The following ZC3H13 variants were observed in gnomAD, a reference collection of about 807,000 sequenced individuals.
ZC3H13 encodes the protein zinc finger CCCH-type containing 13, also known as zinc finger CCCH domain-containing protein 13.
In ZC3H13, 64 loss-of-function variants were observed where a neutral mutation model predicts 204.1. The observed-to-expected ratio is 0.31, with a 90% CI of 0.26 to 0.39. ZC3H13 has a LOEUF of 0.39. Ranked by LOEUF, ZC3H13 falls within the 10% of genes least tolerant of loss-of-function variation. ZC3H13 has a pLI of 1.00. For missense variants in ZC3H13, 1,833 were observed against 2,082.7 expected, an observed-to-expected ratio of 0.88 and a Z score of 2.33; for synonymous variants, 667 against 693.7, an observed-to-expected ratio of 0.96 and a Z score of 0.60.
At chr13:46,003,091 T>C in intron 8 of ZC3H13, 48 bp downstream of exon 8, 1 of 1,576,922 alleles carries the variant, frequency 6.3e-7, no homozygotes, top group South Asian at 1.2e-5. Context: ...GTAAATATTC[T>C]ATATTCTACA....
At chr13:45,974,722 T>A (rs570622953) in intron 12 of ZC3H13, among the ~76,000 whole-genome samples, 3 of 152,206 alleles carry the variant, frequency 2.0e-5, no homozygotes, top group African/African-American at 7.2e-5. Flanking sequence ...TACAAGCACA[T>A]AAAAGTCATG....
rs149887751 is a variant in ZC3H13 at position 46,010,437 on chromosome 13, C to T, written c.657G>A (p.Pro219=). ...ACGACTTCGGGCTTGATTTTCGCTT[C>T]GGAGATTTGCTAGACTTTCTTAGAG... ...SPSLRKSSKS[P]KRKSSPKSSS... Residue 219 remains proline, a synonymous_variant, in exon 7 of 19, where the codon CCG becomes CCA. Coordinates refer to ENST00000679008, the MANE Select transcript of ZC3H13 (RefSeq NM_001330564.2). 3.0e-5 allele frequency: 48 copies of T among 1,613,704 alleles called. No homozygotes were observed. The highest frequency in any genetic ancestry group is 2.4e-4 in the African/African-American group (18 of 74,988).
rs189114663 is a variant in ZC3H13, at chr13:46,030,949, T to C, written c.340-10392A>G. On this transcript the variant is annotated intron_variant, in intron 4 of 18. Transcript: ENST00000679008. ...ACTTTGTAGATACTGACATACTCATTCTATATGGAGAACCAGAATAGCCAA... is the reference window on the plus strand; with the variant it reads ...ACTTTGTAGATACTGACATACTCATCCTATATGGAGAACCAGAATAGCCAA... 5.9e-5 allele frequency among the ~76,000 whole-genome samples: 9 copies of C among 152,234 alleles called. No individual in the cohort carries two copies. In the East Asian group the frequency reaches 1.7e-3, roughly 29 times the overall value.
At chr13:45,964,148 G>T in intron 16 of ZC3H13, 106 bp from the exon 17 acceptor site, 1 of 1,126,714 alleles carries the variant, frequency 8.9e-7, no homozygotes, top group Middle Eastern at 2.5e-4. Flanking sequence ...AAAATGAAAA[G>T]TACTTTAAAC....
intron 7 of ZC3H13, among the ~76,000 whole-genome samples, chr13:46,008,041 T>C (rs972939405): frequency 6.6e-6 from 1 of 152,050 alleles, no homozygotes; most frequent in Non-Finnish European, 1.5e-5. Context: ...CAAAGAAAAA[T>C]GCCAGCTTTC....
chr13:45,957,678 A>G (rs1395680309), intron 18 of ZC3H13, among the ~76,000 whole-genome samples: 2 of 152,224 alleles, frequency 1.3e-5, no homozygotes, highest in Non-Finnish European at 2.9e-5. Flanking sequence ...ATGGTGCTAC[A>G]CTGTAATTCA....
chr13:46,045,204 GAAA>G, intron 2 of ZC3H13, 140 bp from the exon 3 acceptor site: 5 of 960,800 alleles, frequency 5.2e-6, no homozygotes, highest in Non-Finnish European at 7.7e-6. Flanking sequence ...AAAACTTCAG[GAAA>G]AAAATATGGA....
At chr13:45,985,018 C>CT (rs1464400262) in intron 10 of ZC3H13, among the ~76,000 whole-genome samples, 1 of 152,114 alleles carries the variant, frequency 6.6e-6, no homozygotes, top group Non-Finnish European at 1.5e-5. Context: ...CGTGATTCTA[C>CT]TTTTTTGTCT....
intron 12 of ZC3H13, among the ~76,000 whole-genome samples, chr13:45,970,860 A>G (rs1952525599): frequency 6.6e-6 from 1 of 152,144 alleles, no homozygotes; most frequent in Non-Finnish European, 1.5e-5. Flanking sequence ...GAATGAGAAA[A>G]CCTAATATTG....
In ZC3H13 at chr13:45,989,022, T is replaced by A; in HGVS notation, c.1020A>T (p.Ser340=). 6.2e-7 allele frequency: 1 copy of A among 1,614,168 alleles called. No individual in the cohort carries two copies. Among genetic ancestry groups the A allele is most frequent in the South Asian group, 1.1e-5 (1 of 91,082 alleles). The change falls in exon 9 of 19, where the codon TCA becomes TCT. Residue 340 remains serine, a synonymous_variant. Transcript: ENST00000679008. Reference sequence around the variant, plus strand: ...GAGAAGGAGAATGTCTTTGAATAGATGATCCTGATTGTGAGGAAGATGAGT... The same window carrying A: ...GAGAAGGAGAATGTCTTTGAATAGAAGATCCTGATTGTGAGGAAGATGAGT... The part of the protein sequence containing the change: ...RHHSSSSQSG[S]SIQRHSPSPR...
chr13:46,038,899 G>T (rs1301768738), intron 4 of ZC3H13, among the ~76,000 whole-genome samples: 1 of 152,116 alleles, frequency 6.6e-6, no homozygotes, highest in East Asian at 1.9e-4. Flanking sequence ...GCACGCACCT[G>T]TAATCTCAGC....
chr13:46,044,837 C>G (rs1266820870), intron 3 of ZC3H13, 118 bp downstream of exon 3: 2 of 551,254 alleles, frequency 3.6e-6, no homozygotes, highest in Non-Finnish European at 6.0e-6. Flanking sequence ...ACTGGTAAGA[C>G]TACCACCAAT....
chr13:45,958,068 T>A (rs1566131625), intron 18 of ZC3H13, among the ~76,000 whole-genome samples: 1 of 152,172 alleles, frequency 6.6e-6, no homozygotes, highest in Non-Finnish European at 1.5e-5. Flanking sequence ...CTGTCAAAAG[T>A]AATCTTGAAC....
In ZC3H13 at chr13:46,052,546, G is replaced by C. The variant is rs1279950163; in HGVS notation, c.-152C>G. 1 of 398,650 alleles carries C rather than the reference G, an allele frequency of 2.5e-6. No individual in the cohort carries two copies. Among genetic ancestry groups the C allele is most frequent in the Non-Finnish European group, 4.4e-6 (1 of 226,220 alleles). The allele number at this position is 398,650 out of a possible 1,614,324, so 24.7% of individuals were successfully genotyped here. On this transcript the variant is annotated 5_prime_UTR_variant, in exon 1 of 19. Transcript: ENST00000679008. Reference sequence around the variant, plus strand: ...AGAAAGCGATGCGCGCGCGGCTCCCGGGAACCGGCTCTTGGCTAGCGAGGA... The same window carrying C: ...AGAAAGCGATGCGCGCGCGGCTCCCCGGAACCGGCTCTTGGCTAGCGAGGA...
At chr13:46,012,388 C>T (rs2138678745) in intron 5 of ZC3H13, among the ~76,000 whole-genome samples, 2 of 152,272 alleles carry the variant, frequency 1.3e-5, no homozygotes, top group East Asian at 3.9e-4. Context: ...TGACCACAAA[C>T]TGAGGTGCCT....
At position 45,969,814 on chromosome 13, in the gene ZC3H13, G is replaced by C. The variant is rs985149533; in HGVS notation, c.2730C>G (p.Leu910=). 3 of 1,613,658 alleles carry C rather than the reference G, an allele frequency of 1.9e-6. No homozygotes were observed. In the African/African-American group the frequency reaches 4.0e-5, roughly 22 times the overall value. Residue 910 remains leucine (L), a synonymous_variant, in exon 14 of 19, where the codon CTC becomes CTG. Coordinates refer to ENST00000679008, the MANE Select transcript of ZC3H13 (RefSeq NM_001330564.2). The part of the protein sequence containing the change: ...ESSRRYEEQE[L]KEKVSSVDKQ... ...TATCTACAGAAGAAACTTTCTCCTT[G>C]AGTTCCTGTTCTTCGTAGCGCCTTG... is the stretch of plus-strand genomic sequence containing the variant.
chr13:46,022,008 G>A (rs1317250704), intron 4 of ZC3H13, among the ~76,000 whole-genome samples: 3 of 151,854 alleles, frequency 2.0e-5, no homozygotes, highest in African/African-American at 7.2e-5. Context: ...CCAATTGCAA[G>A]TCTAGTTAAA....
intron 3 of ZC3H13, among the ~76,000 whole-genome samples, chr13:46,043,125 A>G (rs2043702993): frequency 6.6e-6 from 1 of 151,980 alleles, no homozygotes; most frequent in Non-Finnish European, 1.5e-5. Flanking sequence ...AACAGGGCAA[A>G]AGAAGTTAAG....
At chr13:46,024,846 G>A (rs532019632) in intron 4 of ZC3H13, among the ~76,000 whole-genome samples, 6 of 151,588 alleles carry the variant, frequency 4.0e-5, no homozygotes, top group Non-Finnish European at 7.4e-5. Context: ...GATGAATTCT[G>A]GAGAAATTCT....
Sources: gnomAD v4.1 joint callset for allele counts (sites outside exome capture counted in the v4.1 genomes callset) on GRCh38, gnomAD v4.1.1 for gene constraint, MANE v1.5 for transcripts, NCBI Gene and HGNC (gene_info 2026-07-23, HGNC 2026-07-21) for gene names.